Variants in VSNL1 observed in about 807,000 individuals in gnomAD.
VSNL1 encodes visinin-like protein 1.
VSNL1 carries 6 observed loss-of-function variants against 20.4 expected under a neutral mutation model. The ratio of observed to expected loss-of-function variants is 0.29; its 90% CI spans 0.16 to 0.58. The LOEUF (loss-of-function observed/expected upper bound fraction) is 0.58. Ranked by LOEUF, VSNL1 falls within the 20% of genes least tolerant of loss-of-function variation. The pLI is 0.90. For missense variants in VSNL1, 100 were observed against 234.5 expected (o/e 0.43, Z 3.75); for synonymous variants, 93 against 86.4 (o/e 1.08, Z -0.42).
At chr2:17,606,265 G>T (rs1664942174) in intron 2 of VSNL1, among the ~76,000 whole-genome samples, 1 of 152,054 alleles carries the variant, frequency 6.6e-6, no homozygotes, top group South Asian at 2.1e-4. Context: ...GTCTGATATG[G>T]TTCCAAGTGG....
At chr2:17,652,032 G>A (rs548746359) in intron 3 of VSNL1, among the ~76,000 whole-genome samples, 1 of 152,280 alleles carries the variant, frequency 6.6e-6, no homozygotes, top group African/African-American at 2.4e-5. Flanking sequence ...TTAGCCCAGT[G>A]CCCAATTTGT....
chr2:17,609,271 G>A (rs1390511815), intron 2 of VSNL1, among the ~76,000 whole-genome samples: 2 of 152,212 alleles, frequency 1.3e-5, no homozygotes, highest in Non-Finnish European at 2.9e-5. Flanking sequence ...AGACAGAGGA[G>A]TAGGGGAGCA....
At chr2:17,653,470 A>G (rs1377562520) in intron 3 of VSNL1, among the ~76,000 whole-genome samples, 1 of 152,206 alleles carries the variant, frequency 6.6e-6, no homozygotes, top group African/African-American at 2.4e-5. Context: ...CAGACAGTAC[A>G]CATTCCGTGC....
chr2:17,598,349 T>C (rs902694941), intron 2 of VSNL1, among the ~76,000 whole-genome samples: 24 of 152,368 alleles, frequency 1.6e-4, no homozygotes, highest in African/African-American at 5.3e-4. Flanking sequence ...TTTGTTTTTC[T>C]GGTTCTAAGT....
intron 2 of VSNL1, among the ~76,000 whole-genome samples, chr2:17,621,339 C>G (rs764506861): frequency 1.5e-5 from 2 of 132,994 alleles, no homozygotes; most frequent in Non-Finnish European, 3.4e-5. Context: ...TCTTTTCTTT[C>G]TGAGACACAG....
chr2:17,542,068 A>G (rs75549063), intron 1 of VSNL1, among the ~76,000 whole-genome samples: 4,457 of 152,314 alleles, frequency 0.029, 64 homozygotes, highest in Middle Eastern at 0.054. Context: ...GAAGGCAAGA[A>G]AAGCTGGGGA....
chr2:17,605,178 A>G (rs1301898583), intron 2 of VSNL1, among the ~76,000 whole-genome samples: 2 of 152,220 alleles, frequency 1.3e-5, no homozygotes, highest in Non-Finnish European at 2.9e-5. Context: ...AGGTCACTCT[A>G]ATTATGACTG....
chr2:17,552,058 G>A (rs1402596146), intron 1 of VSNL1, among the ~76,000 whole-genome samples: 1 of 151,808 alleles, frequency 6.6e-6, no homozygotes, highest in Non-Finnish European at 1.5e-5. Flanking sequence ...AAATTAGCAG[G>A]GCGTGGTGGC....
At chr2:17,639,020 T>G (rs1029528616) in intron 2 of VSNL1, among the ~76,000 whole-genome samples, 1 of 152,170 alleles carries the variant, frequency 6.6e-6, no homozygotes, top group Non-Finnish European at 1.5e-5. Context: ...CTGACTCTTG[T>G]TGCATCTTGT....
chr2:17,583,575 T>A (rs1664400472), intron 1 of VSNL1, among the ~76,000 whole-genome samples: 1 of 152,106 alleles, frequency 6.6e-6, no homozygotes, highest in Non-Finnish European at 1.5e-5. Context: ...GAAAAGTGGG[T>A]GGCTGCTTGA....
intron 1 of VSNL1, among the ~76,000 whole-genome samples, chr2:17,584,172 T>C (rs1664414554): frequency 6.6e-6 from 1 of 152,012 alleles, no homozygotes; most frequent in Non-Finnish European, 1.5e-5. Flanking sequence ...AGCACACACT[T>C]TTTTTCCCTA....
At chr2:17,592,330 G>C (rs1664609595) in intron 2 of VSNL1, 94 bp downstream of exon 2, 1 of 1,351,116 alleles carries the variant, frequency 7.4e-7, no homozygotes, top group East Asian at 2.3e-5. Context: ...ACTCTAAGTA[G>C]CTAGTTTGTT....
intron 1 of VSNL1, among the ~76,000 whole-genome samples, chr2:17,544,778 A>G (rs1663369973): frequency 1.3e-5 from 2 of 152,340 alleles, no homozygotes; most frequent in South Asian, 4.1e-4. Flanking sequence ...AAATGATCAC[A>G]TTTAATTAAT....
chr2:17,624,268 C>A (rs1162452575), intron 2 of VSNL1, among the ~76,000 whole-genome samples: 2 of 152,214 alleles, frequency 1.3e-5, no homozygotes, highest in East Asian at 3.8e-4. Context: ...ATCTCCAGGT[C>A]TGAGGCTCAC....
intron 2 of VSNL1, among the ~76,000 whole-genome samples, chr2:17,646,782 T>A (rs1403516914): frequency 6.6e-6 from 1 of 152,032 alleles, no homozygotes; most frequent in East Asian, 1.9e-4. Flanking sequence ...AAAAGAAAAA[T>A]ACTGTGCTTT....
intron 2 of VSNL1, among the ~76,000 whole-genome samples, chr2:17,613,140 C>A (rs1005835142): frequency 2.0e-5 from 3 of 152,146 alleles, no homozygotes; most frequent in Non-Finnish European, 4.4e-5. Context: ...ACTGCAGCAT[C>A]TTGCCCCACA....
chr2:17,562,762 C>A (rs1246255742), intron 1 of VSNL1, among the ~76,000 whole-genome samples: 1 of 152,208 alleles, frequency 6.6e-6, no homozygotes, highest in Non-Finnish European at 1.5e-5. Flanking sequence ...TTGTGAGATT[C>A]AAGATGTTCC....
chr2:17,541,514 C>G (rs1663284503), intron 1 of VSNL1: 1 of 151,962 alleles, frequency 6.6e-6, no homozygotes, highest in South Asian at 2.1e-4. Context: ...ATTTTTGTCA[C>G]AATGGTGAAT....
intron 2 of VSNL1, among the ~76,000 whole-genome samples, chr2:17,596,959 A>C (rs59555684): frequency 0.014 from 2,093 of 152,360 alleles, 23 homozygotes; most frequent in East Asian, 0.038. Flanking sequence ...CTGATTGACG[A>C]TCCTCTCATT....
Sources: gnomAD v4.1 joint callset for allele counts (sites outside exome capture counted in the v4.1 genomes callset) on GRCh38, gnomAD v4.1.1 for gene constraint, MANE v1.5 for transcripts, NCBI Gene and HGNC (gene_info 2026-07-23, HGNC 2026-07-21) for gene names.